The following SMYD3 variants were observed in gnomAD, a reference collection of about 807,000 sequenced individuals.
The protein encoded by SMYD3 is histone-lysine N-methyltransferase SMYD3.
SMYD3 carries 36 observed loss-of-function variants against 57.7 expected under a neutral mutation model. The observed-to-expected ratio is 0.62, with a 90% CI of 0.48 to 0.82. SMYD3 has a LOEUF of 0.82. SMYD3 is among the 40% of genes least tolerant of loss of function. SMYD3 has a pLI of 0.00. For synonymous variants in SMYD3, 211 were observed against 195.0 expected (o/e 1.08, Z -0.68); for missense variants, 515 against 538.8 (o/e 0.96, Z 0.44).
chr1:246,028,678 G>A (rs898720238), intron 5 of SMYD3, among the ~76,000 whole-genome samples: 1 of 152,156 alleles, frequency 6.6e-6, no homozygotes, highest in Non-Finnish European at 1.5e-5. Context: ...CAGATGTAAT[G>A]TAATACCTGT....
chr1:246,068,248 G>T (rs1333653415), intron 5 of SMYD3, among the ~76,000 whole-genome samples: 12 of 146,980 alleles, frequency 8.2e-5, no homozygotes, highest in African/African-American at 2.8e-4. Context: ...AATTCAGACT[G>T]TTAAGTCTAG....
intron 1 of SMYD3, among the ~76,000 whole-genome samples, chr1:246,388,021 A>G (rs1572450170): frequency 1.8e-5 from 1 of 56,234 alleles, no homozygotes; most frequent in East Asian, 6.7e-4. Context: ...ACCTCCTTGT[A>G]GAAAACATTC....
intron 8 of SMYD3, among the ~76,000 whole-genome samples, chr1:245,898,233 CTTAT>C (rs750811457): frequency 3.9e-4 from 59 of 152,326 alleles, no homozygotes; most frequent in South Asian, 2.7e-3. Flanking sequence ...CTACTTTCAT[CTTAT>C]TTGTCACTTT....
intron 1 of SMYD3, among the ~76,000 whole-genome samples, chr1:246,423,759 T>G (rs551945773): frequency 6.6e-6 from 1 of 152,178 alleles, no homozygotes; most frequent in East Asian, 1.9e-4. Context: ...AGGGAGCAGG[T>G]AAGCAGCCTG....
At chr1:246,409,224 TG>T in intron 1 of SMYD3, among the ~76,000 whole-genome samples, 1 of 152,352 alleles carries the variant, frequency 6.6e-6, no homozygotes, top group South Asian at 2.1e-4. Context: ...CCATTGTTTT[TG>T]GTGTTTTAGA....
At chr1:245,930,146 A>T in intron 5 of SMYD3, 1 of 588,666 alleles carries the variant, frequency 1.7e-6, no homozygotes, top group Non-Finnish European at 3.1e-6. Context: ...AAGTGCAGAA[A>T]TACCAACCTC....
chr1:246,052,293 G>A (rs577750166), intron 5 of SMYD3, among the ~76,000 whole-genome samples: 92 of 152,216 alleles, frequency 6.0e-4, no homozygotes, highest in Middle Eastern at 3.4e-3. Flanking sequence ...ACGATGATGG[G>A]GTCAGGTGAC....
At chr1:246,424,082 C>T (rs974601740) in intron 1 of SMYD3, among the ~76,000 whole-genome samples, 3 of 151,972 alleles carry the variant, frequency 2.0e-5, no homozygotes, top group African/African-American at 7.3e-5. Context: ...GAAAGGATAC[C>T]AGCTGGAAAC....
chr1:246,153,706 A>C (rs765794042), intron 5 of SMYD3, among the ~76,000 whole-genome samples: 4 of 152,118 alleles, frequency 2.6e-5, no homozygotes, highest in Admixed American at 1.3e-4. Context: ...TCCTAGCCTC[A>C]AGCAATCCTC....
intron 5 of SMYD3, among the ~76,000 whole-genome samples, chr1:245,973,343 C>T (rs748015484): frequency 2.6e-5 from 4 of 152,140 alleles, no homozygotes; most frequent in South Asian, 2.1e-4. Context: ...GGCATATAAT[C>T]GGGGTGTCCA....
At chr1:246,504,393 C>A (rs1357524810) in intron 1 of SMYD3, among the ~76,000 whole-genome samples, 1 of 152,142 alleles carries the variant, frequency 6.6e-6, no homozygotes, top group African/African-American at 2.4e-5. Flanking sequence ...AGGCTATAAA[C>A]CTGCACCGCG....
At chr1:245,822,665 C>A (rs927090328) in intron 10 of SMYD3, among the ~76,000 whole-genome samples, 3 of 152,072 alleles carry the variant, frequency 2.0e-5, no homozygotes, top group African/African-American at 4.8e-5. Flanking sequence ...ACGATGCTAA[C>A]TTCCTCCGCT....
intron 5 of SMYD3, among the ~76,000 whole-genome samples, chr1:246,299,926 T>C (rs895494254): frequency 9.3e-5 from 14 of 150,814 alleles, no homozygotes; most frequent in African/African-American, 3.4e-4. Flanking sequence ...GCTTAACACC[T>C]GGTGACAAAA....
intron 1 of SMYD3, among the ~76,000 whole-genome samples, chr1:246,385,958 G>A (rs527309152): frequency 1.1e-4 from 16 of 151,870 alleles, no homozygotes; most frequent in South Asian, 2.1e-4. Flanking sequence ...GCACGATCTC[G>A]GCTCACTGCA....
At chr1:245,854,787 G>A (rs1480281895) in intron 10 of SMYD3, among the ~76,000 whole-genome samples, 2 of 152,112 alleles carry the variant, frequency 1.3e-5, no homozygotes, top group African/African-American at 2.4e-5. Context: ...AAGAGCCCAC[G>A]TGAACAGTTC....
chr1:246,396,351 T>C (rs552612043), intron 1 of SMYD3, among the ~76,000 whole-genome samples: 1 of 152,310 alleles, frequency 6.6e-6, no homozygotes, highest in South Asian at 2.1e-4. Context: ...CAAAGCTTTT[T>C]TGTTCCCAAC....
intron 9 of SMYD3, among the ~76,000 whole-genome samples, chr1:245,862,992 T>C (rs772828452): frequency 3.3e-5 from 5 of 152,208 alleles, no homozygotes; most frequent in African/African-American, 7.2e-5. Flanking sequence ...TCTGGCTCTT[T>C]ACAACTCTTT....
chr1:246,398,083 T>C (rs1298106957), intron 1 of SMYD3, among the ~76,000 whole-genome samples: 4 of 152,176 alleles, frequency 2.6e-5, no homozygotes, highest in African/African-American at 7.2e-5. Flanking sequence ...TCTTAGGCTC[T>C]ACAATAGAGA....
intron 5 of SMYD3, among the ~76,000 whole-genome samples, chr1:246,200,251 T>C (rs921338497): frequency 1.5e-4 from 23 of 150,456 alleles, no homozygotes; most frequent in African/African-American, 5.6e-4. Context: ...CCCACTGTAA[T>C]AGAGTAGAGA....
Sources: gnomAD v4.1 joint callset for allele counts (sites outside exome capture counted in the v4.1 genomes callset) on GRCh38, gnomAD v4.1.1 for gene constraint, MANE v1.5 for transcripts, NCBI Gene and HGNC (gene_info 2026-07-23, HGNC 2026-07-21) for gene names.